The following CDH4 variants were observed in gnomAD, a reference collection of about 807,000 sequenced individuals.
CDH4 encodes the protein cadherin-4.
Under a neutral mutation model 86.0 loss-of-function variants are expected in CDH4, and 33 were observed. The ratio of observed to expected loss-of-function variants is 0.38; its 90% CI spans 0.29 to 0.51. The LOEUF (loss-of-function observed/expected upper bound fraction) is 0.51, where lower values mean the gene tolerates loss of function less well. Ranked by LOEUF, CDH4 falls within the 20% of genes least tolerant of loss-of-function variation. The pLI is 0.86. For missense variants in CDH4, 1,114 were observed against 1,307.4 expected (o/e 0.85, Z 2.28); for synonymous variants, 555 against 549.4 (o/e 1.01, Z -0.14).
At chr20:61,803,266 G>T (rs1223033084) in intron 4 of CDH4, among the ~76,000 whole-genome samples, 1 of 152,136 alleles carries the variant, frequency 6.6e-6, no homozygotes, top group Non-Finnish European at 1.5e-5. Flanking sequence ...GGCACAATCC[G>T]CCCGGGCTGG....
chr20:61,747,597 G>A (rs2088432023), intron 3 of CDH4, among the ~76,000 whole-genome samples: 1 of 152,140 alleles, frequency 6.6e-6, no homozygotes, highest in Non-Finnish European at 1.5e-5. Context: ...TTAATCGTTG[G>A]GCAGTTTGGA....
At chr20:61,406,589 G>C (rs2085084800) in intron 2 of CDH4, among the ~76,000 whole-genome samples, 2 of 137,202 alleles carry the variant, frequency 1.5e-5, no homozygotes, top group Non-Finnish European at 3.1e-5. Flanking sequence ...CATCTGCTCT[G>C]CCCAGACCAC....
chr20:61,435,680 C>T (rs932878787), intron 2 of CDH4: 1 of 152,392 alleles, frequency 6.6e-6, no homozygotes, highest in South Asian at 2.1e-4. Flanking sequence ...CTTGCACCTG[C>T]AGGAGGCCAG....
At position 61,623,314 on chromosome 20, in the gene CDH4, G is replaced by A. The variant is rs1017391130; in HGVS notation, c.170-120249G>A. 2.0e-5 allele frequency among the ~76,000 whole-genome samples: 3 copies of A among 152,154 alleles called. No individual in the cohort carries two copies. The highest frequency in any genetic ancestry group is 1.9e-4 in the East Asian group (1 of 5,184). On this transcript the variant is annotated intron_variant, in intron 2 of 15. Transcript: ENST00000614565. This position sits in a 1 kb window ranked among gnomAD's most constrained non-coding sequence, Gnocchi z 4.4. ...CATCAGCAGACAGCTGCTGGTTTCC[G>A]TGGCTGCCTTCCTAGGGGAGCATGG...
intron 2 of CDH4, among the ~76,000 whole-genome samples, chr20:61,559,519 C>CTTTTTTTTTT (rs1156864328): frequency 1.1e-4 from 12 of 105,176 alleles, no homozygotes; most frequent in East Asian, 2.7e-4. Flanking sequence ...ATTTTTTTTT[C>CTTTTTTTTTT]TTTTTTTTTT....
At position 61,377,489 on chromosome 20, in the gene CDH4, C is replaced by T. The variant is rs1477331614; in HGVS notation, c.169+122552C>T. Among the ~76,000 whole-genome samples, 1 of 152,184 alleles carries T rather than the reference C, an allele frequency of 6.6e-6. No individual in the cohort carries two copies. Among genetic ancestry groups the T allele is most frequent in the African/African-American group, 2.4e-5 (1 of 41,440 alleles). The stretch of plus-strand genomic sequence containing the variant: ...AAAACCCTCCAGCACCAAGACATCC[C>T]CATGTGCACTTGTATAAAGAGGAGG... On this transcript the variant is annotated intron_variant, in intron 2 of 15. Coordinates refer to ENST00000614565, the MANE Select transcript of CDH4 (RefSeq NM_001794.5). This position sits in a 1 kb window ranked among gnomAD's most constrained non-coding sequence, Gnocchi z 4.0.
At chr20:61,569,965 G>C (rs2086329768) in intron 2 of CDH4, among the ~76,000 whole-genome samples, 1 of 152,114 alleles carries the variant, frequency 6.6e-6, no homozygotes, top group Non-Finnish European at 1.5e-5. Context: ...CGGTTTTCTG[G>C]GTAAAACACT....
rs566881967 is a variant in CDH4 at position 61,763,459 on chromosome 20, G to A, written c.397-9544G>A. Among the ~76,000 whole-genome samples the A allele has an allele frequency of 5.3e-5, 8 of 152,308 alleles. No homozygotes were observed. In the South Asian group the frequency reaches 6.2e-4, roughly 12 times the overall value. On this transcript the variant is annotated intron_variant, in intron 3 of 15. Coordinates refer to ENST00000614565, the MANE Select transcript of CDH4 (RefSeq NM_001794.5). ...GGAGGCATTTTCACGCAATGGCTAC[G>A]GCACTGCGGAGCCGGTGCTCAGTTC...
At chr20:61,912,915 T>C (rs888118889) in intron 9 of CDH4, among the ~76,000 whole-genome samples, 4 of 152,218 alleles carry the variant, frequency 2.6e-5, no homozygotes, top group African/African-American at 9.6e-5. Flanking sequence ...AGGTGAATCG[T>C]CAGCTGCTTT....
At chr20:61,704,288 G>A (rs1018726398) in intron 2 of CDH4, among the ~76,000 whole-genome samples, 5 of 152,108 alleles carry the variant, frequency 3.3e-5, no homozygotes, top group African/African-American at 1.2e-4. Context: ...AGTAGTGGCA[G>A]CACTGCCTCC....
intron 2 of CDH4, among the ~76,000 whole-genome samples, chr20:61,341,816 G>A (rs1456680758): frequency 6.6e-6 from 1 of 152,196 alleles, no homozygotes; most frequent in Non-Finnish European, 1.5e-5. Context: ...GAAGCTTGGA[G>A]AGTGACAGGC....
intron 2 of CDH4, among the ~76,000 whole-genome samples, chr20:61,457,856 G>C (rs1353787023): frequency 6.6e-6 from 1 of 151,134 alleles, no homozygotes; most frequent in Non-Finnish European, 1.5e-5. Context: ...TGACACTGGT[G>C]GTGGTGGTGA....
chr20:61,726,839 TCATCACCATCACTGCC>T (rs2088118816), intron 2 of CDH4, among the ~76,000 whole-genome samples: 1 of 150,534 alleles, frequency 6.6e-6, no homozygotes, highest in Non-Finnish European at 1.5e-5. Flanking sequence ...ATCACTGCCA[TCATCACCATCACTGCC>T]ATCATCATCA....
chr20:61,831,047 C>CT (rs1359722194), intron 4 of CDH4, among the ~76,000 whole-genome samples: 1 of 152,142 alleles, frequency 6.6e-6, no homozygotes, highest in Non-Finnish European at 1.5e-5. Context: ...CTCGCCCCTC[C>CT]TGGAGGCACT....
chr20:61,314,893 CT>C (rs1199481392), intron 2 of CDH4, among the ~76,000 whole-genome samples: 2 of 152,314 alleles, frequency 1.3e-5, no homozygotes, highest in East Asian at 3.9e-4. Context: ...ATATTGAGCA[CT>C]TTTTCATAAA....
intron 2 of CDH4, chr20:61,369,769 GGGCTC>G (rs1320203570): frequency 1.3e-5 from 2 of 151,958 alleles, no homozygotes; most frequent in African/African-American, 4.8e-5. Context: ...GAAAGGGACA[GGGCTC>G]GGGGGCACTT....
At chr20:61,483,159 G>A (rs1396321101) in intron 2 of CDH4, among the ~76,000 whole-genome samples, 1 of 152,200 alleles carries the variant, frequency 6.6e-6, no homozygotes, top group Non-Finnish European at 1.5e-5. Flanking sequence ...GAACACTAGT[G>A]GTAGTGAAGT....
At chr20:61,384,044 G>GA (rs2145454239) in intron 2 of CDH4, among the ~76,000 whole-genome samples, 1 of 152,102 alleles carries the variant, frequency 6.6e-6, no homozygotes, top group Non-Finnish European at 1.5e-5. Context: ...GGAGAAAGAT[G>GA]AAGGCTGAGA....
intron 2 of CDH4, among the ~76,000 whole-genome samples, chr20:61,337,566 A>G (rs1394355156): frequency 2.0e-5 from 3 of 152,140 alleles, no homozygotes; most frequent in East Asian, 3.9e-4. Context: ...TGGTGTATAG[A>G]TACTTCCTGG....
Sources: allele counts gnomAD v4.1 joint callset (sites outside exome capture counted in the v4.1 genomes callset), GRCh38; gene constraint gnomAD v4.1.1; non-coding constraint Gnocchi (gnomAD v3.1); transcripts MANE v1.5; gene names NCBI Gene and HGNC (gene_info 2026-07-23, HGNC 2026-07-21).